The following CAMTA1 variants were observed in gnomAD, a reference collection of about 807,000 sequenced individuals.
The protein encoded by CAMTA1 is calmodulin-binding transcription activator 1.
Under a neutral mutation model 170.9 loss-of-function variants are expected in CAMTA1, and 27 were observed. The observed-to-expected ratio is 0.16, with a 90% CI of 0.12 to 0.22. The LOEUF (loss-of-function observed/expected upper bound fraction) is 0.22, where lower values mean the gene tolerates loss of function less well. Ranked by LOEUF, CAMTA1 falls within the 10% of genes least tolerant of loss-of-function variation. The pLI is 1.00. For synonymous variants in CAMTA1, 833 were observed against 891.5 expected (o/e 0.93, Z 1.17); for missense variants, 1,619 against 2,217.2 (o/e 0.73, Z 5.42).
At chr1:6,928,126 G>A (rs952772603) in intron 3 of CAMTA1, among the ~76,000 whole-genome samples, 6 of 152,210 alleles carry the variant, frequency 3.9e-5, no homozygotes, top group Non-Finnish European at 8.8e-5. Flanking sequence ...CTTTGTGGCC[G>A]AGGGAGAACT....
At chr1:7,033,024 T>G (rs1362702504) in intron 3 of CAMTA1, among the ~76,000 whole-genome samples, 2 of 152,222 alleles carry the variant, frequency 1.3e-5, no homozygotes, top group Non-Finnish European at 2.9e-5. Flanking sequence ...GATTATGATG[T>G]GCCGTGGTGT....
intron 5 of CAMTA1, among the ~76,000 whole-genome samples, chr1:7,261,473 C>T (rs547362921): frequency 1.3e-5 from 2 of 152,300 alleles, no homozygotes; most frequent in Non-Finnish European, 2.9e-5. Flanking sequence ...TATTAGATCT[C>T]AGATTTCCAA....
chr1:7,621,568 A>G (rs2095598458), intron 6 of CAMTA1, among the ~76,000 whole-genome samples: 1 of 152,174 alleles, frequency 6.6e-6, no homozygotes, highest in Non-Finnish European at 1.5e-5. Flanking sequence ...CTCCCCTCAA[A>G]GTTAATAAGA....
Position 6,934,006 on chromosome 1 carries a change from C to T in CAMTA1, c.234+108796C>T, listed in dbSNP as rs937743277. Among the ~76,000 whole-genome samples the T allele has an allele frequency of 6.6e-6, 1 of 152,186 alleles. No individual in the cohort carries two copies. The highest frequency in any genetic ancestry group is 2.4e-5 in the African/African-American group (1 of 41,444). ...TTTAGAATTGGCTGTCAGTTTCCAG[C>T]ACAAAGCCTGCTGGGATTTTGATTG... On this transcript the variant is annotated intron_variant, in intron 3 of 22. Coordinates refer to ENST00000303635, the MANE Select transcript of CAMTA1 (RefSeq NM_015215.4). This position sits in a 1 kb window ranked among gnomAD's most constrained non-coding sequence, Gnocchi z 4.5.
chr1:7,506,643 A>G (rs1393132619), intron 6 of CAMTA1, among the ~76,000 whole-genome samples: 1 of 150,636 alleles, frequency 6.6e-6, no homozygotes, highest in East Asian at 2.0e-4. Flanking sequence ...TCACACTAAC[A>G]CCTCATGCTG....
intron 5 of CAMTA1, among the ~76,000 whole-genome samples, chr1:7,290,261 C>T (rs1228049726): frequency 6.6e-6 from 1 of 152,178 alleles, no homozygotes; most frequent in Non-Finnish European, 1.5e-5. Context: ...ACAGTGCCTT[C>T]CTTTGGCCTG....
intron 5 of CAMTA1, among the ~76,000 whole-genome samples, chr1:7,462,300 C>G (rs1305582773): frequency 6.6e-6 from 1 of 151,932 alleles, no homozygotes; most frequent in African/African-American, 2.4e-5. Context: ...GAGTCTCACT[C>G]TGTTGCCCAG....
intron 3 of CAMTA1, among the ~76,000 whole-genome samples, chr1:6,907,023 G>A (rs1218501263): frequency 6.6e-6 from 1 of 152,104 alleles, no homozygotes; most frequent in Non-Finnish European, 1.5e-5. Context: ...AGGAAGTCTC[G>A]GGTCTGAAGA....
chr1:7,409,567 C>T (rs564480344), intron 5 of CAMTA1, among the ~76,000 whole-genome samples: 5 of 152,250 alleles, frequency 3.3e-5, no homozygotes, highest in African/African-American at 1.2e-4. Context: ...GCTGGCATTT[C>T]GTGACTATCA....
In CAMTA1 at chr1:7,588,036, C is replaced by T. The variant is rs186278589; in HGVS notation, c.511-52364C>T. ...TGGCCATTCATTCCTCGTTCAAGTG[C>T]GTGTGGCAGCCTCCACCGTGCAGGT... On this transcript the variant is annotated intron_variant, in intron 6 of 22. Coordinates refer to ENST00000303635, the MANE Select transcript of CAMTA1 (RefSeq NM_015215.4). The surrounding 1 kb of genome is among the most constrained non-coding windows in gnomAD (Gnocchi z 5.8). Among the ~76,000 whole-genome samples the T allele has an allele frequency of 6.6e-6, 1 of 152,152 alleles. No individual in the cohort carries two copies. Among genetic ancestry groups the T allele is most frequent in the African/African-American group, 2.4e-5 (1 of 41,380 alleles).
chr1:7,094,353 C>T lies in CAMTA1; in HGVS notation c.302+2982C>T, dbSNP rs987220533. Among the ~76,000 whole-genome samples the T allele has an allele frequency of 2.1e-5, 3 of 145,832 alleles. No individual in the cohort carries two copies. In the South Asian group the frequency reaches 6.8e-4, roughly 33 times the overall value. On this transcript the variant is annotated intron_variant, in intron 4 of 22. Coordinates refer to ENST00000303635, the MANE Select transcript of CAMTA1 (RefSeq NM_015215.4). ...TCCTGGTATTAAGGAATTAATGACA[C>T]CAATACTCTGCTGAATGAGAAGGCA...
chr1:6,814,793 C>G (rs1276812033), intron 1 of CAMTA1, among the ~76,000 whole-genome samples: 3 of 152,178 alleles, frequency 2.0e-5, no homozygotes. Flanking sequence ...TATTCTTTGT[C>G]TTTATTTCAA....
intron 5 of CAMTA1, among the ~76,000 whole-genome samples, chr1:7,329,163 C>G (rs1265924222): frequency 6.6e-6 from 1 of 150,960 alleles, no homozygotes; most frequent in Non-Finnish European, 1.5e-5. Flanking sequence ...AGTGTTAAGT[C>G]AAAGAAGTTG....
At chr1:6,871,267 A>G (rs1409297045) in intron 3 of CAMTA1, among the ~76,000 whole-genome samples, 1 of 152,188 alleles carries the variant, frequency 6.6e-6, no homozygotes, top group African/African-American at 2.4e-5. Flanking sequence ...TAATAGATAT[A>G]GTTACACGGT....
rs184387295 is a variant in CAMTA1 at position 7,647,327 on chromosome 1, C to G, written c.664+6774C>G. ...TTTTGTTTTTTGCTTAGATTGTAAT[C>G]CTGGTGATTATAGAATATCAAGAAG... On this transcript the variant is annotated intron_variant, in intron 7 of 22. Coordinates refer to ENST00000303635, the MANE Select transcript of CAMTA1 (RefSeq NM_015215.4). 1.6e-3 allele frequency among the ~76,000 whole-genome samples: 248 copies of G among 151,950 alleles called. 1 individual carries two copies. Among genetic ancestry groups the G allele is most frequent in the African/African-American group, 5.8e-3 (239 of 41,456 alleles).
chr1:6,993,665 A>T (rs778271720), intron 3 of CAMTA1, among the ~76,000 whole-genome samples: 25 of 152,148 alleles, frequency 1.6e-4, no homozygotes, highest in Non-Finnish European at 2.4e-4. Flanking sequence ...TACGCTACAT[A>T]GCCATTTCCA....
intron 4 of CAMTA1, among the ~76,000 whole-genome samples, chr1:7,166,163 T>A (rs1263123178): frequency 3.3e-5 from 5 of 151,778 alleles, no homozygotes; most frequent in African/African-American, 4.8e-5. Flanking sequence ...TCCTCCTGGG[T>A]TCAGGCCATT....
In CAMTA1 at chr1:6,887,850, C is replaced by T. The variant is rs1315070611; in HGVS notation, c.234+62640C>T. The stretch of plus-strand genomic sequence containing the variant: ...TCTCAAAACCCCAAATTAATTTGAA[C>T]CGAATGTTACTAAAAATGAAATAGA... On this transcript the variant is annotated intron_variant, in intron 3 of 22. Transcript: ENST00000303635. This position sits in a 1 kb window ranked among gnomAD's most constrained non-coding sequence, Gnocchi z 4.1. 6.9e-7 allele frequency: 1 copy of T among 1,442,196 alleles called. No individual in the cohort carries two copies. The highest frequency in any genetic ancestry group is 9.1e-7 in the Non-Finnish European group (1 of 1,100,466). The allele number at this position is 1,442,196 out of a possible 1,614,324, so 89.3% of individuals were successfully genotyped here.
intron 11 of CAMTA1, among the ~76,000 whole-genome samples, chr1:7,692,528 A>G (rs201775837): frequency 6.6e-6 from 1 of 152,146 alleles, no homozygotes; most frequent in African/African-American, 2.4e-5. Flanking sequence ...AACGAAAGAA[A>G]GAATGAATGA....
Sources: gnomAD v4.1 joint callset for allele counts (sites outside exome capture counted in the v4.1 genomes callset) on GRCh38, gnomAD v4.1.1 for gene constraint, Gnocchi (gnomAD v3.1) non-coding constraint, MANE v1.5 for transcripts, NCBI Gene and HGNC (gene_info 2026-07-23, HGNC 2026-07-21) for gene names.